CTNNA3: variants seen among roughly 807,000 people sequenced by gnomAD.
The protein encoded by CTNNA3 is catenin alpha 3.
In CTNNA3, 76 loss-of-function variants were observed where a neutral mutation model predicts 95.7. The observed-to-expected ratio is 0.79, with a 90% CI of 0.66 to 0.96. CTNNA3 has a LOEUF of 0.96. CTNNA3 is among the 40% of genes least tolerant of loss of function. The pLI, the probability that CTNNA3 is intolerant of heterozygous loss-of-function variation, is 0.00. For missense variants in CTNNA3, 1,191 were observed against 1,089.8 expected, an observed-to-expected ratio of 1.09 and a Z score of -1.31; for synonymous variants, 431 against 374.4, an observed-to-expected ratio of 1.15 and a Z score of -1.74.
At chr10:65,965,872 G>T (rs1258901648) in intron 17 of CTNNA3, among the ~76,000 whole-genome samples, 1 of 152,004 alleles carries the variant, frequency 6.6e-6, no homozygotes, top group Non-Finnish European at 1.5e-5. Context: ...TAAATTCCCA[G>T]AATATTTATA....
chr10:66,621,237 G>C (rs898181096), intron 10 of CTNNA3, among the ~76,000 whole-genome samples: 1 of 152,068 alleles, frequency 6.6e-6, no homozygotes, highest in Admixed American at 6.6e-5. Context: ...TTTGCCTCAG[G>C]AGATTCCAAT....
At chr10:67,465,882 C>T (rs557906123) in intron 5 of CTNNA3, among the ~76,000 whole-genome samples, 6 of 152,266 alleles carry the variant, frequency 3.9e-5, no homozygotes, top group African/African-American at 1.4e-4. Context: ...ACCTTGTCAA[C>T]TGAGAACAAT....
At chr10:66,068,844 G>T (rs773729960) in intron 15 of CTNNA3, among the ~76,000 whole-genome samples, 1 of 151,934 alleles carries the variant, frequency 6.6e-6, no homozygotes, top group Non-Finnish European at 1.5e-5. Flanking sequence ...TTTTTTCATG[G>T]CTATCATTAA....
intron 13 of CTNNA3, among the ~76,000 whole-genome samples, chr10:66,231,954 C>G (rs1252355190): frequency 6.6e-6 from 1 of 152,128 alleles, no homozygotes; most frequent in East Asian, 1.9e-4. Flanking sequence ...ACTGCTACTG[C>G]TAAGGATTAA....
chr10:66,665,843 A>G (rs1196678779), intron 9 of CTNNA3, among the ~76,000 whole-genome samples: 1 of 152,124 alleles, frequency 6.6e-6, no homozygotes, highest in Non-Finnish European at 1.5e-5. Flanking sequence ...AACTATTCTC[A>G]GAGATTACAC....
intron 7 of CTNNA3, among the ~76,000 whole-genome samples, chr10:67,086,252 T>G (rs993909064): frequency 1.3e-5 from 2 of 152,014 alleles, no homozygotes; most frequent in Non-Finnish European, 1.5e-5. Flanking sequence ...ATCTGAAGGA[T>G]TTTCTTTAAA....
intron 12 of CTNNA3, among the ~76,000 whole-genome samples, chr10:66,342,306 A>G (rs10997068): frequency 0.015 from 2,299 of 152,126 alleles, 53 homozygotes; most frequent in African/African-American, 0.053. Context: ...CCTGGCACAT[A>G]TCAGGAACTT....
chr10:67,595,960 T>A (rs1372024503), intron 3 of CTNNA3, among the ~76,000 whole-genome samples: 5 of 152,222 alleles, frequency 3.3e-5, no homozygotes, highest in Admixed American at 3.3e-4. Context: ...TCAGCTCTTT[T>A]TTGTTTTCCA....
At chr10:65,936,281 G>C (rs535849448) in intron 17 of CTNNA3, among the ~76,000 whole-genome samples, 1 of 152,140 alleles carries the variant, frequency 6.6e-6, no homozygotes, top group South Asian at 2.1e-4. Context: ...GTGCAAAAGA[G>C]TTCTATGAAT....
At chr10:66,250,801 A>G (rs1393267690) in intron 13 of CTNNA3, among the ~76,000 whole-genome samples, 1 of 152,186 alleles carries the variant, frequency 6.6e-6, no homozygotes, top group Non-Finnish European at 1.5e-5. Context: ...TTTTCTGTCT[A>G]ATAATGTCAC....
chr10:66,894,441 C>G (rs555918654), intron 7 of CTNNA3, among the ~76,000 whole-genome samples: 1 of 152,016 alleles, frequency 6.6e-6, no homozygotes, highest in South Asian at 2.1e-4. Context: ...TTAAATATGT[C>G]AAAATGTTAC....
intron 1 of CTNNA3, among the ~76,000 whole-genome samples, chr10:67,667,971 A>C (rs990700164): frequency 6.6e-6 from 1 of 152,190 alleles, no homozygotes; most frequent in Non-Finnish European, 1.5e-5. Flanking sequence ...CCTTTTTGCC[A>C]ATCATCCACA....
intron 5 of CTNNA3, among the ~76,000 whole-genome samples, chr10:67,233,255 T>A (rs10762154): frequency 1.4e-5 from 2 of 146,008 alleles, no homozygotes; most frequent in African/African-American, 2.7e-5. Flanking sequence ...GACCACATAC[T>A]TGGAAGTAAA....
At chr10:67,347,155 T>A (rs1842451297) in intron 5 of CTNNA3, among the ~76,000 whole-genome samples, 1 of 151,938 alleles carries the variant, frequency 6.6e-6, no homozygotes, top group Admixed American at 6.6e-5. Context: ...GCTCAAGCGA[T>A]TCTCTAGCCT....
chr10:67,052,221 G>A (rs774903022), intron 7 of CTNNA3, among the ~76,000 whole-genome samples: 12 of 151,778 alleles, frequency 7.9e-5, no homozygotes, highest in African/African-American at 1.7e-4. Context: ...TTTTAACTCC[G>A]AGAAAATTCT....
chr10:66,594,764 T>A (rs148685288), intron 10 of CTNNA3, among the ~76,000 whole-genome samples: 1 of 152,138 alleles, frequency 6.6e-6, no homozygotes, highest in Admixed American at 6.5e-5. Context: ...CAGTATGGAT[T>A]ATAAAGCCAG....
chr10:66,035,794 T>C (rs2079551322), intron 15 of CTNNA3, among the ~76,000 whole-genome samples: 1 of 152,082 alleles, frequency 6.6e-6, no homozygotes, highest in Admixed American at 6.6e-5. Flanking sequence ...AGAAAGAATT[T>C]TGTGTAAAAG....
chr10:66,786,196 G>A (rs1190541501), intron 7 of CTNNA3, among the ~76,000 whole-genome samples: 2 of 152,044 alleles, frequency 1.3e-5, no homozygotes. Context: ...AGTCCCTCAA[G>A]CCTTGTTCAT....
intron 7 of CTNNA3, among the ~76,000 whole-genome samples, chr10:66,983,489 G>T: frequency 6.6e-6 from 1 of 152,230 alleles, no homozygotes; most frequent in South Asian, 2.1e-4. Flanking sequence ...AATACAGAAG[G>T]ACTGCATTTG....
Sources: gnomAD v4.1 joint callset for allele counts (sites outside exome capture counted in the v4.1 genomes callset) on GRCh38, gnomAD v4.1.1 for gene constraint, MANE v1.5 for transcripts, NCBI Gene and HGNC (gene_info 2026-07-23, HGNC 2026-07-21) for gene names.